NLGN1: variants seen among roughly 807,000 people sequenced by gnomAD.
NLGN1 encodes the protein neuroligin-1.
NLGN1 carries 12 observed loss-of-function variants against 65.5 expected under a neutral mutation model. The observed-to-expected ratio is 0.18, with a 90% confidence interval of 0.12 to 0.30. The LOEUF (loss-of-function observed/expected upper bound fraction) is 0.30, where lower values mean the gene tolerates loss of function less well. Among genes scored for constraint, NLGN1 ranks in the 10% least tolerant of loss-of-function variants. The pLI, the probability that NLGN1 is intolerant of heterozygous loss-of-function variation, is 1.00. For missense variants in NLGN1, 750 were observed against 1,007.1 expected, an observed-to-expected ratio of 0.74 and a Z score of 3.46; for synonymous variants, 350 against 359.5, an observed-to-expected ratio of 0.97 and a Z score of 0.30.
intron 2 of NLGN1, among the ~76,000 whole-genome samples, chr3:173,601,177 T>G (rs896800775): frequency 1.3e-5 from 2 of 152,020 alleles, no homozygotes; most frequent in Non-Finnish European, 2.9e-5. Context: ...GGGTAATATC[T>G]GATTTGGTCT....
At chr3:173,786,222 T>C (rs534765705) in intron 3 of NLGN1, among the ~76,000 whole-genome samples, 1 of 152,304 alleles carries the variant, frequency 6.6e-6, no homozygotes, top group South Asian at 2.1e-4. Context: ...AAAGGTATGT[T>C]CCAATGCAGA....
chr3:173,552,959 C>A (rs1282072433), intron 2 of NLGN1, among the ~76,000 whole-genome samples: 1 of 152,144 alleles, frequency 6.6e-6, no homozygotes, highest in African/African-American at 2.4e-5. Flanking sequence ...GGATCAGAGA[C>A]ATAAAATCTT....
At chr3:173,999,690 G>T (rs1280571367) in intron 4 of NLGN1, among the ~76,000 whole-genome samples, 1 of 152,112 alleles carries the variant, frequency 6.6e-6, no homozygotes, top group Non-Finnish European at 1.5e-5. Flanking sequence ...AAAGGCATCA[G>T]TTTCCTTTCT....
intron 4 of NLGN1, among the ~76,000 whole-genome samples, chr3:173,968,992 C>T (rs973453141): frequency 5.9e-5 from 9 of 151,714 alleles, no homozygotes; most frequent in South Asian, 2.1e-4. Flanking sequence ...TGAGCCACTG[C>T]GCCCAGCCTA....
chr3:173,478,839 T>C (rs1323333135), intron 2 of NLGN1, among the ~76,000 whole-genome samples: 1 of 151,266 alleles, frequency 6.6e-6, no homozygotes, highest in Non-Finnish European at 1.5e-5. Context: ...TGAGCTGAGA[T>C]TGAGAATGCA....
intron 4 of NLGN1, among the ~76,000 whole-genome samples, chr3:173,989,040 T>C (rs182852406): frequency 2.0e-5 from 3 of 152,304 alleles, no homozygotes; most frequent in Admixed American, 6.5e-5. Flanking sequence ...GAGTTGACAC[T>C]TAATTTGGTA....
At chr3:174,013,673 C>G (rs1057298578) in intron 4 of NLGN1, among the ~76,000 whole-genome samples, 2 of 152,126 alleles carry the variant, frequency 1.3e-5, no homozygotes, top group Non-Finnish European at 2.9e-5. Flanking sequence ...CGACTTTTCT[C>G]TTGTCATTTT....
rs1213916159 is a variant in NLGN1 at position 174,281,384 on chromosome 3, G to GACTT, written c.*85_*88dup. The stretch of plus-strand genomic sequence containing the variant: ...AGATTCCTTGGCTTTCAACCTACAA[G>GACTT]ACTTACTATTTAAATAAGGAGGAAT... On this transcript the variant is annotated 3_prime_UTR_variant, in exon 7 of 7. Transcript: ENST00000457714. The GACTT allele has an allele frequency of 1.3e-5, 11 of 847,534 alleles. No homozygotes were observed. The East Asian group carries it at 1.8e-4, about 14-fold the overall frequency. The allele number at this position is 847,534 out of a possible 1,614,324, so 52.5% of individuals were successfully genotyped here.
At chr3:174,264,647 A>C (rs1369355446) in intron 4 of NLGN1, among the ~76,000 whole-genome samples, 1 of 150,484 alleles carries the variant, frequency 6.6e-6, no homozygotes, top group African/African-American at 2.4e-5. Context: ...CGCAGCTCAG[A>C]GTAATTTGAT....
intron 4 of NLGN1, among the ~76,000 whole-genome samples, chr3:174,158,190 C>T (rs771010681): frequency 1.3e-5 from 2 of 151,838 alleles, no homozygotes; most frequent in Middle Eastern, 6.8e-3. Flanking sequence ...AGTTTTTAGT[C>T]TCCTTTTATT....
intron 3 of NLGN1, among the ~76,000 whole-genome samples, chr3:173,690,604 A>C (rs1234303239): frequency 2.0e-5 from 3 of 152,170 alleles, no homozygotes; most frequent in Admixed American, 2.0e-4. Context: ...TGAATTATGT[A>C]ATGAAAGTCC....
chr3:173,470,252 C>A (rs1439654364), intron 2 of NLGN1, among the ~76,000 whole-genome samples: 1 of 152,020 alleles, frequency 6.6e-6, no homozygotes, highest in African/African-American at 2.4e-5. Flanking sequence ...AACATCCTGT[C>A]TTGCCTCTTC....
intron 4 of NLGN1, among the ~76,000 whole-genome samples, chr3:173,913,997 C>G (rs989673138): frequency 6.6e-6 from 1 of 152,178 alleles, no homozygotes; most frequent in Admixed American, 6.5e-5. Context: ...GACATCTAAA[C>G]TCCAGTCTAG....
intron 4 of NLGN1, among the ~76,000 whole-genome samples, chr3:173,990,420 T>A (rs1720853322): frequency 6.6e-6 from 1 of 152,218 alleles, no homozygotes; most frequent in Non-Finnish European, 1.5e-5. Context: ...ACATTTTGTT[T>A]GATGCAAACA....
At chr3:173,566,574 A>G (rs539190636) in intron 2 of NLGN1, among the ~76,000 whole-genome samples, 1 of 152,228 alleles carries the variant, frequency 6.6e-6, no homozygotes, top group East Asian at 1.9e-4. Flanking sequence ...ATTAAGGCTT[A>G]CTTATCCTCC....
chr3:173,827,982 C>T (rs182602800), intron 4 of NLGN1, among the ~76,000 whole-genome samples: 1 of 152,088 alleles, frequency 6.6e-6, no homozygotes, highest in African/African-American at 2.4e-5. Context: ...CCAAAAACAC[C>T]CTCACAGACA....
chr3:173,731,762 A>G (rs1772888822), intron 3 of NLGN1, among the ~76,000 whole-genome samples: 1 of 152,098 alleles, frequency 6.6e-6, no homozygotes, highest in Non-Finnish European at 1.5e-5. Flanking sequence ...TGTACCTATA[A>G]TTTACATAGA....
intron 1 of NLGN1, among the ~76,000 whole-genome samples, chr3:173,408,545 G>A (rs1012609951): frequency 5.9e-5 from 9 of 152,198 alleles, no homozygotes; most frequent in Admixed American, 5.2e-4. Flanking sequence ...GGAGATTAGG[G>A]AGGGAATCTT....
chr3:174,035,738 A>G (rs988431336), intron 4 of NLGN1, among the ~76,000 whole-genome samples: 1 of 152,188 alleles, frequency 6.6e-6, no homozygotes, highest in African/African-American at 2.4e-5. Context: ...GCTGGAGTCC[A>G]GGTTCTTGTA....
Sources: gnomAD v4.1 joint callset for allele counts (sites outside exome capture counted in the v4.1 genomes callset) on GRCh38, gnomAD v4.1.1 for gene constraint, MANE v1.5 for transcripts, NCBI Gene and HGNC (gene_info 2026-07-23, HGNC 2026-07-21) for gene names.